ARHGEF4: variants seen among roughly 807,000 people sequenced by gnomAD.
The protein encoded by ARHGEF4 is Rho guanine nucleotide exchange factor 4.
In ARHGEF4, 119 loss-of-function variants were observed where a neutral mutation model predicts 162.0. The observed-to-expected ratio is 0.73, with a 90% CI of 0.63 to 0.86. ARHGEF4 has a LOEUF of 0.86. Ranked by LOEUF, ARHGEF4 falls within the 40% of genes least tolerant of loss-of-function variation. ARHGEF4 has a pLI of 0.00. For missense variants in ARHGEF4, 2,488 were observed against 2,456.0 expected, an observed-to-expected ratio of 1.01 and a Z score of -0.28; for synonymous variants, 1,014 against 979.9, an observed-to-expected ratio of 1.03 and a Z score of -0.65.
At chr2:130,837,317 G>A (rs1680264424) in intron 1 of ARHGEF4, 1 of 356,802 alleles carries the variant, frequency 2.8e-6, no homozygotes, top group East Asian at 6.5e-5. Flanking sequence ...GGGCGCGCGG[G>A]GCACTCGGAG....
At chr2:130,974,499 G>C (rs1685570754) in intron 4 of ARHGEF4, among the ~76,000 whole-genome samples, 1 of 151,982 alleles carries the variant, frequency 6.6e-6, no homozygotes, top group Non-Finnish European at 1.5e-5. Context: ...AGGCTGGAGT[G>C]CAATAGCATG....
Position 130,914,200 on chromosome 2 carries a change from C to T in ARHGEF4, c.254C>T (p.Pro85Leu), listed in dbSNP as rs184572840. The T allele has an allele frequency of 1.7e-4, 259 of 1,536,074 alleles. No homozygotes were observed. The highest frequency in any genetic ancestry group is 3.4e-4 in the East Asian group (14 of 40,902). ...ACAGAGTCCTTGTCTGGGTACCTCCCGAGGGGAGTCTTCCACCCTCTAAGA... is the reference window on the plus strand; with the variant it reads ...ACAGAGTCCTTGTCTGGGTACCTCCTGAGGGGAGTCTTCCACCCTCTAAGA... Reference protein sequence around the residue: ...SDTESLSGYLPRGVFHPLRGT... With the variant: ...SDTESLSGYLLRGVFHPLRGT... The change falls in exon 2 of 14, where the codon CCG becomes CTG. Residue 85 changes from proline (P) to leucine (L), a missense_variant. This residue lies in a region of ARHGEF4 where 171 missense variants were observed against 169.4 expected (regional missense o/e 1.01). Transcript: ENST00000409359.
chr2:130,903,641 C>G (rs959887810), intron 1 of ARHGEF4, among the ~76,000 whole-genome samples: 3 of 152,162 alleles, frequency 2.0e-5, no homozygotes, highest in East Asian at 1.9e-4. Flanking sequence ...TACTGATTCT[C>G]TTGCCCAAGT....
At position 130,964,211 on chromosome 2, in the gene ARHGEF4, G is replaced by C. The variant is rs1004725223; in HGVS notation, c.3985+17576G>C. 42 of 985,266 alleles carry C rather than the reference G, an allele frequency of 4.3e-5. No individual in the cohort carries two copies. The Admixed American group carries it at 2.4e-3, about 56-fold the overall frequency. 61.0% of individuals were successfully genotyped at this position (985,266 alleles called of 1,614,324 possible). ...GGGGGCATGCGCGGCGCCGTGTCCC[G>C]CTCCTGGAGCCTGGAGAGCCTGCGC... is the stretch of plus-strand genomic sequence containing the variant. On this transcript the variant is annotated intron_variant, in intron 4 of 13. Transcript: ENST00000409359.
chr2:131,042,418 T>G (rs1690885964), intron 10 of ARHGEF4, among the ~76,000 whole-genome samples: 1 of 152,140 alleles, frequency 6.6e-6, no homozygotes, highest in Admixed American at 6.5e-5. Context: ...CAATCTTGCC[T>G]TAGAACTAAT....
chr2:130,946,780 GT>G, intron 4 of ARHGEF4, 145 bp downstream of exon 4: 1 of 1,188,198 alleles, frequency 8.4e-7, no homozygotes, highest in Non-Finnish European at 1.2e-6. Flanking sequence ...TCTTCCTTCA[GT>G]TAGGGAGGAG....
At chr2:130,973,997 C>T (rs1213393105) in intron 4 of ARHGEF4, among the ~76,000 whole-genome samples, 5 of 151,848 alleles carry the variant, frequency 3.3e-5, no homozygotes, top group Non-Finnish European at 5.9e-5. Context: ...TTGCTGGGTG[C>T]AGTGGCTCAT....
intron 4 of ARHGEF4, among the ~76,000 whole-genome samples, chr2:130,987,383 G>A (rs1197896417): frequency 1.3e-5 from 2 of 152,192 alleles, no homozygotes; most frequent in Non-Finnish European, 2.9e-5. Context: ...TGCGGTGAGT[G>A]TTACAGCACT....
At chr2:130,872,287 G>T (rs1263265228) in intron 1 of ARHGEF4, among the ~76,000 whole-genome samples, 2 of 152,168 alleles carry the variant, frequency 1.3e-5, no homozygotes, top group Non-Finnish European at 2.9e-5. Context: ...AGCATCAGGC[G>T]TGACCCTATC....
intron 3 of ARHGEF4, among the ~76,000 whole-genome samples, chr2:130,939,956 C>A (rs1683190862): frequency 6.6e-6 from 1 of 152,170 alleles, no homozygotes; most frequent in Non-Finnish European, 1.5e-5. Flanking sequence ...CTGCTGAATT[C>A]ATTTGTTAGT....
intron 4 of ARHGEF4, among the ~76,000 whole-genome samples, chr2:130,968,661 T>G (rs530552350): frequency 1.3e-5 from 2 of 152,338 alleles, no homozygotes; most frequent in East Asian, 3.9e-4. Context: ...GACTCATGCC[T>G]GTAATCCAAG....
In ARHGEF4 at chr2:130,914,035, A is replaced by G. The variant is rs1325647590; in HGVS notation, c.89A>G (p.Asn30Ser). 1.3e-6 allele frequency: 2 copies of G among 1,536,144 alleles called. No individual in the cohort carries two copies. The highest frequency in any genetic ancestry group is 2.4e-5 in the South Asian group (2 of 84,064). The change falls in exon 2 of 14, where the codon AAC becomes AGC. Residue 30 changes from asparagine (N) to serine (S), a missense_variant. Physicochemically the swap from Asn to Ser is conservative, Grantham distance 46 (BLOSUM62 1). Coordinates refer to ENST00000409359, the MANE Select transcript of ARHGEF4 (RefSeq NM_001367493.1). ...CCAGGTGAAGGTGAGATTGAAGATA[A>G]CCAGCTCCCCACATCCCCTGCAGAA... ...HLPGEGEIED[N>S]QLPTSPAEQV...
chr2:130,955,903 A>C (rs1469615842), intron 4 of ARHGEF4, among the ~76,000 whole-genome samples: 8 of 152,182 alleles, frequency 5.3e-5, no homozygotes, highest in Non-Finnish European at 1.2e-4. Flanking sequence ...AAGCACCTTT[A>C]GGTTGCAGCT....
At chr2:131,020,659 C>T (rs1689066208) in intron 4 of ARHGEF4, among the ~76,000 whole-genome samples, 1 of 152,132 alleles carries the variant, frequency 6.6e-6, no homozygotes. Context: ...CTTACCTGTG[C>T]ATGTGTCTTT....
intron 4 of ARHGEF4, among the ~76,000 whole-genome samples, chr2:130,989,482 C>G (rs1458239435): frequency 6.6e-6 from 1 of 152,042 alleles, no homozygotes. Context: ...AAATAACATA[C>G]CTTACAAAAC....
At chr2:131,004,767 C>A (rs1041111468) in intron 4 of ARHGEF4, among the ~76,000 whole-genome samples, 4 of 152,152 alleles carry the variant, frequency 2.6e-5, no homozygotes, top group Admixed American at 2.6e-4. Context: ...CCTGGGGACA[C>A]AACACACTTT....
intron 4 of ARHGEF4, among the ~76,000 whole-genome samples, chr2:131,024,664 G>T (rs1689358302): frequency 6.6e-6 from 1 of 152,182 alleles, no homozygotes; most frequent in South Asian, 2.1e-4. Flanking sequence ...GTGTATCGTG[G>T]TTATGTTTTT....
intron 4 of ARHGEF4, among the ~76,000 whole-genome samples, chr2:130,975,291 C>T (rs1452909253): frequency 6.6e-6 from 1 of 152,216 alleles, no homozygotes; most frequent in African/African-American, 2.4e-5. Context: ...TGGGGCCTTC[C>T]AGACCCTGGA....
intron 2 of ARHGEF4, 130 bp from the exon 3 acceptor site, chr2:130,930,822 C>A: frequency 1.3e-6 from 1 of 797,412 alleles, no homozygotes; most frequent in Non-Finnish European, 1.9e-6. Context: ...TTTCACTGGA[C>A]TCTGTACTTT....
Sources: gnomAD v4.1 joint callset for allele counts (sites outside exome capture counted in the v4.1 genomes callset) on GRCh38, gnomAD v4.1.1 for gene constraint, gnomAD v4.1.1 regional missense constraint, MANE v1.5 for transcripts, NCBI Gene and HGNC (gene_info 2026-07-23, HGNC 2026-07-21) for gene names.